The following ACOXL variants were observed in gnomAD, a reference collection of about 807,000 sequenced individuals.
The protein encoded by ACOXL is acyl-coenzyme A oxidase-like protein.
ACOXL carries 70 observed loss-of-function variants against 71.9 expected under a neutral mutation model. The observed-to-expected ratio is 0.97, with a 90% CI of 0.80 to 1.19. The LOEUF is 1.19. Among genes scored for constraint, ACOXL ranks in the 50% most tolerant of loss-of-function variants. The pLI, the probability that ACOXL is intolerant of heterozygous loss-of-function variation, is 0.00. For synonymous variants in ACOXL, 253 were observed against 281.6 expected (o/e 0.90, Z 1.02); for missense variants, 703 against 736.3 (o/e 0.95, Z 0.52).
At chr2:111,033,688 A>G (rs111268657) in intron 15 of ACOXL, among the ~76,000 whole-genome samples, 129 of 152,302 alleles carry the variant, frequency 8.5e-4, no homozygotes, top group South Asian at 1.7e-3. Flanking sequence ...GATCGGGTTG[A>G]AACATATCTG....
intron 3 of ACOXL, 141 bp from the exon 4 acceptor site, chr2:110,793,509 A>G (rs1684905152): frequency 1.4e-6 from 1 of 735,082 alleles, no homozygotes; most frequent in African/African-American, 1.7e-5. Flanking sequence ...GAGGAAGGGC[A>G]AAGAAGCATG....
At chr2:111,048,195 GA>G (rs1185037881) in intron 15 of ACOXL, among the ~76,000 whole-genome samples, 1 of 152,222 alleles carries the variant, frequency 6.6e-6, no homozygotes, top group African/African-American at 2.4e-5. Flanking sequence ...GATGGGACCA[GA>G]GGGCAATCAA....
intron 14 of ACOXL, among the ~76,000 whole-genome samples, chr2:111,012,019 A>T (rs1286432390): frequency 6.6e-6 from 1 of 152,010 alleles, no homozygotes; most frequent in Non-Finnish European, 1.5e-5. Context: ...TTAAAAATAC[A>T]TGAAACAGAA....
intron 16 of ACOXL, among the ~76,000 whole-genome samples, chr2:111,090,554 G>T (rs975445937): frequency 2.6e-5 from 4 of 152,168 alleles, no homozygotes; most frequent in African/African-American, 9.7e-5. Flanking sequence ...ACGTGGCCCT[G>T]AGAATCAGGT....
At chr2:110,759,194 C>T (rs773916531) in intron 1 of ACOXL, among the ~76,000 whole-genome samples, 2 of 152,130 alleles carry the variant, frequency 1.3e-5, no homozygotes, top group African/African-American at 2.4e-5. Flanking sequence ...GTCAGGTCTA[C>T]TTGATCCTGA....
chr2:110,841,567 A>G (rs540548712), intron 10 of ACOXL, among the ~76,000 whole-genome samples, 162 bp downstream of exon 10: 66 of 152,190 alleles, frequency 4.3e-4, no homozygotes, highest in Non-Finnish European at 8.4e-4. Context: ...GCAAGAGCAC[A>G]TTGCTATTTA....
intron 17 of ACOXL, among the ~76,000 whole-genome samples, chr2:111,108,656 C>T (rs1398620929): frequency 2.6e-5 from 4 of 152,152 alleles, no homozygotes; most frequent in East Asian, 1.9e-4. Flanking sequence ...GGATTACTGG[C>T]GTGAGCCACC....
intron 12 of ACOXL, among the ~76,000 whole-genome samples, chr2:110,981,788 G>T (rs778492935): frequency 3.3e-5 from 5 of 152,134 alleles, no homozygotes; most frequent in African/African-American, 7.2e-5. Context: ...GAATAGTTGC[G>T]TGTGCATAGG....
intron 12 of ACOXL, among the ~76,000 whole-genome samples, chr2:110,984,660 T>C (rs1484861214): frequency 6.6e-6 from 1 of 152,242 alleles, no homozygotes; most frequent in Middle Eastern, 3.2e-3. Context: ...ATTGTATCAT[T>C]CTAATTTTAA....
intron 1 of ACOXL, among the ~76,000 whole-genome samples, chr2:110,739,724 G>T (rs2104685926): frequency 6.6e-6 from 1 of 152,322 alleles, no homozygotes; most frequent in Admixed American, 6.5e-5. Flanking sequence ...GGTGCATGGA[G>T]CCTCCACTTC....
At chr2:110,898,235 T>A (rs1220813168) in intron 10 of ACOXL, among the ~76,000 whole-genome samples, 1 of 151,858 alleles carries the variant, frequency 6.6e-6, no homozygotes, top group Non-Finnish European at 1.5e-5. Context: ...TTCCAAGTCA[T>A]TTTTTTTGAA....
intron 16 of ACOXL, among the ~76,000 whole-genome samples, chr2:111,064,606 G>C (rs189930641): frequency 6.6e-6 from 1 of 152,244 alleles, no homozygotes; most frequent in Admixed American, 6.5e-5. Context: ...AAGACTGTAC[G>C]TGTTCAGTAC....
At chr2:110,954,267 A>C (rs1207321129) in intron 12 of ACOXL, among the ~76,000 whole-genome samples, 1 of 152,226 alleles carries the variant, frequency 6.6e-6, no homozygotes, top group Non-Finnish European at 1.5e-5. Context: ...TCTTATAAAC[A>C]ACATTTGCCT....
intron 12 of ACOXL, among the ~76,000 whole-genome samples, chr2:110,960,666 G>T (rs1188712795): frequency 1.4e-5 from 2 of 141,600 alleles, no homozygotes; most frequent in African/African-American, 2.6e-5. Context: ...TTTCTTTTGG[G>T]TTTTTTTTTT....
rs992793361 is a variant in ACOXL at position 111,029,678 on chromosome 2, C to T, written c.1282-1949C>T. On this transcript the variant is annotated intron_variant, in intron 14 of 17. Coordinates refer to ENST00000439055, the MANE Select transcript of ACOXL (RefSeq NM_001142807.4). The stretch of plus-strand genomic sequence containing the variant: ...GCCCCAAGACCTGGGTGCTCTTCTT[C>T]CTGCCTGGGGCGGGTCTGGAGGTGG... Among the ~76,000 whole-genome samples the T allele has an allele frequency of 2.6e-5, 4 of 152,230 alleles. No individual in the cohort carries two copies. In the South Asian group the frequency reaches 8.3e-4, roughly 31 times the overall value.
intron 14 of ACOXL, among the ~76,000 whole-genome samples, chr2:110,999,546 C>T (rs2063533302): frequency 6.6e-6 from 1 of 152,186 alleles, no homozygotes; most frequent in African/African-American, 2.4e-5. Flanking sequence ...ATCCCACCTC[C>T]TGATAGTCAC....
chr2:111,018,660 C>T (rs2064584029), intron 14 of ACOXL, among the ~76,000 whole-genome samples: 2 of 152,040 alleles, frequency 1.3e-5, no homozygotes, highest in African/African-American at 2.4e-5. Flanking sequence ...TAACCAAGGG[C>T]CCAGAAGAGT....
intron 12 of ACOXL, among the ~76,000 whole-genome samples, chr2:110,952,238 T>G (rs1380419555): frequency 2.6e-5 from 4 of 152,172 alleles, no homozygotes; most frequent in African/African-American, 9.7e-5. Flanking sequence ...GTTCATTTCT[T>G]CTTAGTTTTA....
intron 12 of ACOXL, among the ~76,000 whole-genome samples, chr2:110,981,134 G>A (rs575940334): frequency 3.3e-4 from 50 of 152,284 alleles, no homozygotes; most frequent in Admixed American, 3.3e-3. Flanking sequence ...AGGCTGAGGC[G>A]GGTGGATCAC....
Sources: gnomAD v4.1 joint callset for allele counts (sites outside exome capture counted in the v4.1 genomes callset) on GRCh38, gnomAD v4.1.1 for gene constraint, MANE v1.5 for transcripts, NCBI Gene and HGNC (gene_info 2026-07-23, HGNC 2026-07-21) for gene names.